Variants in DGKD observed in about 807,000 individuals in gnomAD.
DGKD encodes the protein diacylglycerol kinase delta.
DGKD carries 68 observed loss-of-function variants against 154.4 expected under a neutral mutation model. That is an observed-to-expected ratio of 0.44 (90% CI 0.36 to 0.54). The LOEUF (loss-of-function observed/expected upper bound fraction) is 0.54. DGKD is among the 20% of genes least tolerant of loss of function. The pLI is 0.00. For synonymous variants in DGKD, 693 were observed against 638.0 expected, an observed-to-expected ratio of 1.09 and a Z score of -1.30; for missense variants, 1,343 against 1,593.6, an observed-to-expected ratio of 0.84 and a Z score of 2.68.
intron 3 of DGKD, among the ~76,000 whole-genome samples, chr2:233,416,233 G>C (rs1458606789): frequency 6.6e-6 from 1 of 152,076 alleles, no homozygotes; most frequent in African/African-American, 2.4e-5. Context: ...TAAATTACTT[G>C]TTTTTCCCTC....
chr2:233,438,066 G>T lies in DGKD; in HGVS notation c.923-151G>T. 2.3e-6 allele frequency: 2 copies of T among 859,568 alleles called. No individual in the cohort carries two copies. The highest frequency in any genetic ancestry group is 1.8e-6 in the Non-Finnish European group (1 of 546,050). The allele number at this position is 859,568 out of a possible 1,614,324, so 53.2% of individuals were successfully genotyped here. A position where few individuals can be genotyped will look rare whatever the true frequency, so the allele number is the denominator to read the frequency against. On this transcript the variant is annotated intron_variant, in intron 8 of 29. Coordinates refer to ENST00000264057, the MANE Select transcript of DGKD (RefSeq NM_152879.3). This position sits in a 1 kb window ranked among gnomAD's most constrained non-coding sequence, Gnocchi z 4.1. Reference sequence around the variant, plus strand: ...GCCTCACACATGGAGACCGGCTGTGGGGAACTGTTCACTGACCTCCTCCTG... The same window carrying T: ...GCCTCACACATGGAGACCGGCTGTGTGGAACTGTTCACTGACCTCCTCCTG...
chr2:233,394,527 C>T (rs577888354), intron 3 of DGKD, among the ~76,000 whole-genome samples: 1 of 151,930 alleles, frequency 6.6e-6, no homozygotes, highest in Non-Finnish European at 1.5e-5. Context: ...TAAAGAAGAT[C>T]TTTTTCGCAA....
intron 1 of DGKD, among the ~76,000 whole-genome samples, chr2:233,355,241 GTC>G (rs950428159): frequency 1.3e-5 from 2 of 152,268 alleles, no homozygotes; most frequent in African/African-American, 2.4e-5. Context: ...TTCAGTGACC[GTC>G]TCTCTCAGCA....
intron 3 of DGKD, among the ~76,000 whole-genome samples, chr2:233,390,998 C>T (rs1432210473): frequency 6.6e-6 from 1 of 152,140 alleles, no homozygotes; most frequent in African/African-American, 2.4e-5. Flanking sequence ...CTCCCAAAAT[C>T]CTGGGATTAC....
At chr2:233,418,236 A>G (rs1391241685) in intron 3 of DGKD, among the ~76,000 whole-genome samples, 1 of 152,046 alleles carries the variant, frequency 6.6e-6, no homozygotes, top group Non-Finnish European at 1.5e-5. Flanking sequence ...TGCTATTGAA[A>G]CCACATTTGT....
At position 233,452,198 on chromosome 2, in the gene DGKD, G is replaced by A; in HGVS notation, c.2264+138G>A. On this transcript the variant is annotated intron_variant, in intron 18 of 29. Coordinates refer to ENST00000264057, the MANE Select transcript of DGKD (RefSeq NM_152879.3). The surrounding 1 kb of genome is among the most constrained non-coding windows in gnomAD (Gnocchi z 4.0). ...AGCTGATAAGGAAGGCTGAGAAGTC[G>A]TGGAGATTCCACTTAAGGAGTGGAG... The A allele has an allele frequency of 7.5e-6, 6 of 798,626 alleles. No individual in the cohort carries two copies. Among genetic ancestry groups the A allele is most frequent in the Non-Finnish European group, 1.2e-5 (6 of 490,468 alleles). The allele number at this position is 798,626 out of a possible 1,614,324, so 49.5% of individuals were successfully genotyped here.
At chr2:233,432,729 TC>T (rs1192130901) in intron 3 of DGKD, among the ~76,000 whole-genome samples, 3 of 151,876 alleles carry the variant, frequency 2.0e-5, no homozygotes, top group Admixed American at 6.6e-5. Context: ...CCAGAATAAA[TC>T]GAGAGCTCAA....
intron 14 of DGKD, among the ~76,000 whole-genome samples, chr2:233,448,819 G>T (rs1452830268): frequency 6.6e-6 from 1 of 152,174 alleles, no homozygotes; most frequent in Non-Finnish European, 1.5e-5. Flanking sequence ...AGAGGCTAAG[G>T]TGAAGTTACA....
chr2:233,359,381 G>T (rs1701675270), intron 1 of DGKD, among the ~76,000 whole-genome samples: 1 of 152,198 alleles, frequency 6.6e-6, no homozygotes, highest in African/African-American at 2.4e-5. Context: ...TAGGAATGGG[G>T]ATGTTAACTC....
At chr2:233,370,570 CTTT>C (rs56301429) in intron 1 of DGKD, among the ~76,000 whole-genome samples, 3 of 123,340 alleles carry the variant, frequency 2.4e-5, no homozygotes, top group Admixed American at 8.4e-5. Flanking sequence ...AGAACTTCTT[CTTT>C]TTTTTTTTTT....
chr2:233,358,560 C>T (rs767429849), intron 1 of DGKD, among the ~76,000 whole-genome samples: 11 of 152,184 alleles, frequency 7.2e-5, no homozygotes, highest in South Asian at 2.1e-4. Context: ...TTCATCACCC[C>T]GTTTCCTCTC....
intron 3 of DGKD, among the ~76,000 whole-genome samples, chr2:233,396,930 GGGGGGCC>G (rs1704088744): frequency 8.0e-6 from 1 of 124,742 alleles, no homozygotes; most frequent in Admixed American, 7.7e-5. Context: ...GCGTGGCTGG[GGGGGGCC>G]AGAGCGAGAG....
chr2:233,462,971 G>A (rs1053274621), intron 26 of DGKD, among the ~76,000 whole-genome samples: 2 of 152,330 alleles, frequency 1.3e-5, no homozygotes, highest in East Asian at 1.9e-4. Context: ...CCTTGTCGTC[G>A]TGGACAGAAG....
intron 3 of DGKD, among the ~76,000 whole-genome samples, chr2:233,432,109 C>T (rs1322384194): frequency 6.6e-6 from 1 of 152,218 alleles, no homozygotes; most frequent in African/African-American, 2.4e-5. Context: ...TATTTGCAAA[C>T]TGCCAGGCGT....
rs189307227 is a variant in DGKD at position 233,372,264 on chromosome 2, G to A, written c.157-15993G>A. On this transcript the variant is annotated intron_variant, in intron 1 of 29. Coordinates refer to ENST00000264057, the MANE Select transcript of DGKD (RefSeq NM_152879.3). ...TCGAATTCCTGGGCTCAAGCAATCCGCCCGCCTCAGTCTCCCAAAGTGGCT... is the reference window on the plus strand; with the variant it reads ...TCGAATTCCTGGGCTCAAGCAATCCACCCGCCTCAGTCTCCCAAAGTGGCT... Among the ~76,000 whole-genome samples the A allele has an allele frequency of 3.2e-3, 481 of 152,190 alleles. 1 individual carries two copies. Among genetic ancestry groups the A allele is most frequent in the African/African-American group, 0.011 (447 of 41,530 alleles).
rs868375692 is a variant in DGKD at position 233,354,739 on chromosome 2, C to T, written c.156+65C>T. The T allele has an allele frequency of 5.3e-6, 5 of 939,778 alleles. No individual in the cohort carries two copies. Among genetic ancestry groups the T allele is most frequent in the Middle Eastern group, 5.4e-4 (1 of 1,836 alleles). 58.2% of individuals were successfully genotyped at this position (939,778 alleles called of 1,614,324 possible). On this transcript the variant is annotated intron_variant, in intron 1 of 29. Coordinates refer to ENST00000264057, the MANE Select transcript of DGKD (RefSeq NM_152879.3). The surrounding 1 kb of genome is among the most constrained non-coding windows in gnomAD (Gnocchi z 4.8). ...CGCCGCGGCAGCCCCGGCCGAGGCC[C>T]GTGGCCCTGCCCGAGCGGCCGCCCA...
chr2:233,462,831 C>G, intron 26 of DGKD, 96 bp downstream of exon 26: 2 of 1,113,576 alleles, frequency 1.8e-6, no homozygotes, highest in Non-Finnish European at 2.7e-6. Context: ...CACTTTAGTC[C>G]AGAGTTCCCG....
chr2:233,449,044 T>A lies in DGKD; in HGVS notation c.1615-59T>A. The A allele has an allele frequency of 1.3e-6, 2 of 1,518,696 alleles. No homozygotes were observed. The highest frequency in any genetic ancestry group is 1.3e-5 in the South Asian group (1 of 78,806). 94.1% of individuals were successfully genotyped at this position (1,518,696 alleles called of 1,614,324 possible). A position where few individuals can be genotyped will look rare whatever the true frequency, so the allele number is the denominator to read the frequency against. ...CTGGGTGAAATGGCCTGAGGTTCCC[T>A]GCCTGCAGACCCTGTTCTCCTGCCT... is the stretch of plus-strand genomic sequence containing the variant. On this transcript the variant is annotated intron_variant, in intron 14 of 29. Coordinates refer to ENST00000264057, the MANE Select transcript of DGKD (RefSeq NM_152879.3). This position sits in a 1 kb window ranked among gnomAD's most constrained non-coding sequence, Gnocchi z 5.3.
At chr2:233,369,007 C>G (rs1337681232) in intron 1 of DGKD, among the ~76,000 whole-genome samples, 1 of 152,236 alleles carries the variant, frequency 6.6e-6, no homozygotes, top group Non-Finnish European at 1.5e-5. Flanking sequence ...TTCAAGATTT[C>G]AGGCTGGCAG....
Sources: gnomAD v4.1 joint callset for allele counts (sites outside exome capture counted in the v4.1 genomes callset) on GRCh38, gnomAD v4.1.1 for gene constraint, Gnocchi (gnomAD v3.1) non-coding constraint, MANE v1.5 for transcripts, NCBI Gene and HGNC (gene_info 2026-07-23, HGNC 2026-07-21) for gene names.